LOXHD1: variants seen among roughly 807,000 people sequenced by gnomAD.
LOXHD1 encodes lipoxygenase homology PLAT domains 1.
Under a neutral mutation model 248.2 loss-of-function variants are expected in LOXHD1, and 205 were observed. The ratio of observed to expected loss-of-function variants is 0.83; its 90% confidence interval spans 0.74 to 0.93. The LOEUF (loss-of-function observed/expected upper bound fraction) is 0.93, where lower values mean the gene tolerates loss of function less well. Among genes scored for constraint, LOXHD1 ranks in the 40% least tolerant of loss-of-function variants. LOXHD1 has a pLI of 0.00. For missense variants in LOXHD1, 2,930 were observed against 2,971.6 expected (o/e 0.99, Z 0.33); for synonymous variants, 1,113 against 1,162.8 (o/e 0.96, Z 0.87).
Position 46,511,996 on chromosome 18 carries a change from A to G in LOXHD1, c.5400-2181T>C, listed in dbSNP as rs148651928. 4.1e-3 allele frequency among the ~76,000 whole-genome samples: 619 copies of G among 152,292 alleles called. 5 individuals are homozygous for G. Among genetic ancestry groups the G allele is most frequent in the African/African-American group, 0.015 (607 of 41,544 alleles). ...ACCCCCATCTTGCCTTTAGCCTTCAAACTCCCCTTGATTCTTCCTGAGTTT... is the reference window on the plus strand; with the variant it reads ...ACCCCCATCTTGCCTTTAGCCTTCAGACTCCCCTTGATTCTTCCTGAGTTT... On this transcript the variant is annotated intron_variant, in intron 34 of 40. Transcript: ENST00000642948.
chr18:46,494,288 C>A (rs181696107), intron 37 of LOXHD1, among the ~76,000 whole-genome samples: 4 of 152,266 alleles, frequency 2.6e-5, no homozygotes, highest in Admixed American at 2.6e-4. Context: ...ATAGACTTAG[C>A]ATTCAATAAA....
intron 14 of LOXHD1, among the ~76,000 whole-genome samples, chr18:46,573,905 T>C (rs184380023): frequency 6.6e-5 from 10 of 152,266 alleles, no homozygotes; most frequent in South Asian, 4.1e-4. Flanking sequence ...GACATGAGCA[T>C]GCAATGGTGA....
intron 37 of LOXHD1, among the ~76,000 whole-genome samples, chr18:46,504,300 T>C (rs1315360225): frequency 6.6e-6 from 1 of 152,118 alleles, no homozygotes; most frequent in East Asian, 1.9e-4. Context: ...GAGATGGAGT[T>C]TCGCCATGTT....
At chr18:46,654,665 A>G (rs1000095186) in intron 1 of LOXHD1, among the ~76,000 whole-genome samples, 2 of 152,204 alleles carry the variant, frequency 1.3e-5, no homozygotes, top group African/African-American at 4.8e-5. Flanking sequence ...CACACTCATC[A>G]AGACTCTCCA....
At chr18:46,561,447 G>A (rs946266438) in intron 18 of LOXHD1, among the ~76,000 whole-genome samples, 9 of 152,160 alleles carry the variant, frequency 5.9e-5, no homozygotes, top group South Asian at 2.1e-4. Context: ...GGTCTGGTCC[G>A]TCCCCTGCAG....
chr18:46,611,046 G>C, intron 5 of LOXHD1, 122 bp from the exon 6 acceptor site: 1 of 1,146,242 alleles, frequency 8.7e-7, no homozygotes, highest in Non-Finnish European at 1.2e-6. Context: ...TTCCTCCTGA[G>C]ATCTAAGGGC....
intron 4 of LOXHD1, among the ~76,000 whole-genome samples, chr18:46,622,645 G>A (rs990255839): frequency 6.6e-6 from 1 of 152,178 alleles, no homozygotes; most frequent in African/African-American, 2.4e-5. Flanking sequence ...TGGACCATTA[G>A]CTAAGCATCT....
At chr18:46,656,014 A>G (rs542772494) in intron 1 of LOXHD1, among the ~76,000 whole-genome samples, 6 of 152,338 alleles carry the variant, frequency 3.9e-5, no homozygotes, top group African/African-American at 7.2e-5. Flanking sequence ...CACACATTCA[A>G]TAAATACTTG....
intron 1 of LOXHD1, among the ~76,000 whole-genome samples, chr18:46,651,563 G>T (rs1401458012): frequency 1.3e-5 from 2 of 152,022 alleles, no homozygotes; most frequent in Non-Finnish European, 2.9e-5. Flanking sequence ...AAGGAGAGGA[G>T]CATTGGAGAG....
rs2038618170 is a variant in LOXHD1 at position 46,618,290 on chromosome 18, C to T, written c.512G>A (p.Gly171Asp). ...GTATACCTTGACTTCATACTTATTACCTAGGAACAAGGAGAGAGAAAAACC... is the reference window on the plus strand; with the variant it reads ...GTATACCTTGACTTCATACTTATTATCTAGGAACAAGGAGAGAGAAAAACC... The part of the protein sequence containing the change: ...ASFNPMDMPR[G>D]NKYEVKVYTG... Residue 171 changes from glycine (G) to aspartate (D), a missense_variant and splice_region_variant, in exon 5 of 41, where the codon GGT (glycine) becomes GAT (aspartate). Coordinates refer to ENST00000642948, the MANE Select transcript of LOXHD1 (RefSeq NM_001384474.1). 2 of 1,547,288 alleles carry T rather than the reference C, an allele frequency of 1.3e-6. No homozygotes were observed. The highest frequency in any genetic ancestry group is 1.7e-6 in the Non-Finnish European group (2 of 1,143,416).
chr18:46,483,791 A>C (rs749337682), intron 39 of LOXHD1, 46 bp from the exon 40 acceptor site: 55 of 1,533,890 alleles, frequency 3.6e-5, no homozygotes, highest in East Asian at 2.2e-4. Flanking sequence ...TTGCCCACTG[A>C]AGCAGGTAAG....
At position 46,507,565 on chromosome 18, in the gene LOXHD1, C is replaced by G; in HGVS notation, c.5665G>C (p.Val1889Leu). 6.4e-7 allele frequency: 1 copy of G among 1,551,742 alleles called. No individual in the cohort carries two copies. The highest frequency in any genetic ancestry group is 8.7e-7 in the Non-Finnish European group (1 of 1,146,984). Residue 1889 changes from valine to leucine, a missense_variant, in exon 36 of 41, where the codon GTC becomes CTC. Val to Leu is a conservative substitution (Grantham distance 32, BLOSUM62 1). Transcript: ENST00000642948. ...AGGATGTCGCTGGTCTTAACTGCGA[C>G]GGTGTAGGAGGTCCACTCCATCATT... Reference protein sequence around the residue: ...EEMMEWTSYTVAVKTSDILGA... With the variant: ...EEMMEWTSYTLAVKTSDILGA...
At chr18:46,551,259 C>T (rs1317139479) in intron 21 of LOXHD1, among the ~76,000 whole-genome samples, 2 of 151,988 alleles carry the variant, frequency 1.3e-5, no homozygotes, top group Non-Finnish European at 2.9e-5. Flanking sequence ...CTCACCACCA[C>T]GTCTGGCTAA....
chr18:46,549,753 A>G (rs2037006031), intron 21 of LOXHD1, among the ~76,000 whole-genome samples: 1 of 152,254 alleles, frequency 6.6e-6, no homozygotes, highest in South Asian at 2.1e-4. Context: ...TATTTGCCAC[A>G]TGAAACAATA....
intron 7 of LOXHD1, 83 bp from the exon 8 acceptor site, chr18:46,601,550 A>G: frequency 6.5e-7 from 1 of 1,536,346 alleles, no homozygotes; most frequent in South Asian, 1.2e-5. Context: ...TCCTGGTTAC[A>G]ACACCCCCAA....
At chr18:46,613,623 C>A (rs1306550343) in intron 5 of LOXHD1, among the ~76,000 whole-genome samples, 1 of 152,016 alleles carries the variant, frequency 6.6e-6, no homozygotes, top group Non-Finnish European at 1.5e-5. Context: ...TGGACTATTT[C>A]TTTTGTTTCT....
At position 46,489,087 on chromosome 18, in the gene LOXHD1, G is replaced by A. The variant is rs769356212; in HGVS notation, c.5934C>T (p.Asp1978=). Residue 1978 remains aspartate, a synonymous_variant, in exon 38 of 41, where the codon GAC becomes GAT. Transcript: ENST00000642948. ...AGTCACACTGGAAGTGGAAGGTCTC[G>A]TCGCGGGAGTTGTCCTTCACATCGA... The part of the protein sequence containing the change: ...SYVDVKDNSR[D]ETFHFQCDCW... The A allele has an allele frequency of 4.5e-5, 70 of 1,551,576 alleles. No homozygotes were observed. Among genetic ancestry groups the A allele is most frequent in the Admixed American group, 4.3e-4 (22 of 50,976 alleles).
Position 46,477,768 on chromosome 18 carries a change from C to T in LOXHD1, c.6526G>A (p.Val2176Met), listed in dbSNP as rs745938801. 15 of 1,551,758 alleles carry T rather than the reference C, an allele frequency of 9.7e-6. 1 individual carries two copies. Among genetic ancestry groups the T allele is most frequent in the South Asian group, 5.9e-5 (5 of 84,074 alleles). The change falls in exon 41 of 41, where the codon GTG becomes ATG. Residue 2176 changes from valine to methionine, a missense_variant. Val to Met is a conservative substitution (Grantham distance 21, BLOSUM62 1). Transcript: ENST00000642948. ...TCTCCGTTGGCCCCAAAGATGGTCA[C>T]GAAGACGTTGGCATCAGTGCCTGCC... ...PGAGTDANVF[V>M]TIFGANGDTG...
rs1420571365 is a variant in LOXHD1, at chr18:46,534,420, A to T, written c.4127T>A (p.Ile1376Asn). ...GCCCGTGTTATTATGGCCAATCCGAATTTTTTCAATGATTTCTCCCACATC... is the reference window on the plus strand; with the variant it reads ...GCCCGTGTTATTATGGCCAATCCGATTTTTTTCAATGATTTCTCCCACATC... ...LEDVGEIIEK[I>N]RIGHNNTGMN... is the part of the protein sequence containing the mutation. The change falls in exon 27 of 41, where the codon ATT becomes AAT. Residue 1376 changes from isoleucine (I) to asparagine (N), a missense_variant. By Grantham distance (149) the Ile-to-Asn change is moderately radical. Transcript: ENST00000642948. 1.3e-6 allele frequency: 2 copies of T among 1,551,482 alleles called. No individual in the cohort carries two copies. Among genetic ancestry groups the T allele is most frequent in the African/African-American group, 1.4e-5 (1 of 72,960 alleles).
Sources: gnomAD v4.1 joint callset for allele counts (sites outside exome capture counted in the v4.1 genomes callset) on GRCh38, gnomAD v4.1.1 for gene constraint, MANE v1.5 for transcripts, NCBI Gene and HGNC (gene_info 2026-07-23, HGNC 2026-07-21) for gene names.